Variants in SHROOM2 observed in about 807,000 individuals in gnomAD.
The protein encoded by SHROOM2 is shroom family member 2.
A neutral mutation model predicts 75.9 loss-of-function variants in SHROOM2; 33 were observed. The ratio of observed to expected loss-of-function variants is 0.43; its 90% CI spans 0.33 to 0.58. The LOEUF is 0.58. Among genes scored for constraint, SHROOM2 ranks in the 20% least tolerant of loss-of-function variants. SHROOM2 has a pLI of 0.04. For synonymous variants in SHROOM2, 655 were observed against 663.6 expected (o/e 0.99, Z 0.20); for missense variants, 1,434 against 1,461.2 (o/e 0.98, Z 0.30).
intron 1 of SHROOM2, among the ~76,000 whole-genome samples, chrX:9,821,683 A>G (rs2083853766): frequency 8.9e-6 from 1 of 112,376 alleles, no homozygotes; most frequent in Non-Finnish European, 1.9e-5. Context: ...GTTGAGAAAT[A>G]TACCGTATGA....
chrX:9,898,455 G>A (rs772657035), intron 5 of SHROOM2, among the ~76,000 whole-genome samples, 165 bp downstream of exon 5: 128 of 112,695 alleles, frequency 1.1e-3, no homozygotes, highest in African/African-American at 3.7e-3. Context: ...TGGAGGTCTG[G>A]GCAGAGCCTG....
intron 4 of SHROOM2, among the ~76,000 whole-genome samples, chrX:9,897,736 G>A (rs1232873410): frequency 2.0e-5 from 2 of 101,063 alleles, no homozygotes; most frequent in Admixed American, 2.1e-4. Flanking sequence ...TACCTAATAA[G>A]TGCATGGAAA....
At chrX:9,786,972 C>A (rs1249287395) in intron 1 of SHROOM2, among the ~76,000 whole-genome samples, 2 of 111,431 alleles carry the variant, frequency 1.8e-5, no homozygotes, top group African/African-American at 6.5e-5. Flanking sequence ...AGGGGCCTGG[C>A]CGGGTCCTCT....
intron 2 of SHROOM2, among the ~76,000 whole-genome samples, chrX:9,881,590 T>C (rs2084231919): frequency 8.9e-6 from 1 of 112,465 alleles, no homozygotes; most frequent in Non-Finnish European, 1.9e-5. Context: ...TGTAAAAAGT[T>C]TGGAATAAAA....
At chrX:9,917,021 G>A (rs371498693) in intron 5 of SHROOM2, among the ~76,000 whole-genome samples, 17 of 111,747 alleles carry the variant, frequency 1.5e-4, no homozygotes, top group Admixed American at 7.6e-4. Flanking sequence ...CATGTGTGCC[G>A]CAGAAGGTGT....
chrX:9,946,289 G>A (rs1020201737), intron 9 of SHROOM2, among the ~76,000 whole-genome samples: 20 of 113,175 alleles, frequency 1.8e-4, no homozygotes, highest in African/African-American at 3.8e-4. Flanking sequence ...CCCATGGAGC[G>A]GACCTTGACG....
Position 9,882,233 on chromosome X carries a change from C to T in SHROOM2, c.317+8430C>T, listed in dbSNP as rs575130391. ...TGCCATGTGTATACTGATATGTTGA[C>T]TCAACAAGTTAAACTTTTTGTGTCT... is the stretch of plus-strand genomic sequence containing the variant. On this transcript the variant is annotated intron_variant, in intron 2 of 9. Coordinates refer to ENST00000380913, the MANE Select transcript of SHROOM2 (RefSeq NM_001649.4). Among the ~76,000 whole-genome samples the T allele has an allele frequency of 4.0e-3, 288 of 72,560 alleles. 1 individual carries two copies. The highest frequency in any genetic ancestry group is 0.036 in the South Asian group (42 of 1,183). 63.0% of individuals were successfully genotyped at this position (72,560 alleles called of 115,157 possible).
At chrX:9,909,692 A>G (rs1203226783) in intron 5 of SHROOM2, among the ~76,000 whole-genome samples, 2 of 112,628 alleles carry the variant, frequency 1.8e-5, no homozygotes, top group Admixed American at 1.9e-4. Flanking sequence ...CCCAATTGAG[A>G]GACATGCTGC....
chrX:9,883,718 A>T (rs375544008), intron 2 of SHROOM2, among the ~76,000 whole-genome samples: 183 of 111,455 alleles, frequency 1.6e-3, no homozygotes, highest in African/African-American at 5.6e-3. Flanking sequence ...CAGGAGGTGC[A>T]GGCAGACTGG....
At position 9,947,085 on chromosome X, in the gene SHROOM2, G is replaced by T; in HGVS notation, c.*148G>T. 1 of 584,692 alleles carries T rather than the reference G, an allele frequency of 1.7e-6. No individual in the cohort carries two copies. The highest frequency in any genetic ancestry group is 2.6e-6 in the Non-Finnish European group (1 of 379,365). 48.2% of individuals were successfully genotyped at this position (584,692 alleles called of 1,213,427 possible). ...GGCTGTTATAAAAGCAATAACTTTT[G>T]TGTTTGTGTGGGATGATTTATTTAA... is the stretch of plus-strand genomic sequence containing the variant. On this transcript the variant is annotated 3_prime_UTR_variant, in exon 10 of 10. Coordinates refer to ENST00000380913, the MANE Select transcript of SHROOM2 (RefSeq NM_001649.4).
intron 8 of SHROOM2, among the ~76,000 whole-genome samples, chrX:9,941,587 T>G (rs1353913303): frequency 8.9e-6 from 1 of 112,039 alleles, no homozygotes; most frequent in Non-Finnish European, 1.9e-5. Flanking sequence ...AGTTTCAAAT[T>G]AGCTCAGCTG....
chrX:9,936,791 G>C (rs1179079892), intron 6 of SHROOM2, among the ~76,000 whole-genome samples: 3 of 112,610 alleles, frequency 2.7e-5, no homozygotes, highest in East Asian at 5.6e-4. Flanking sequence ...AACAGGGCTT[G>C]TTGAAGTTTG....
chrX:9,914,254 C>T (rs1210953861), intron 5 of SHROOM2, among the ~76,000 whole-genome samples: 1 of 109,072 alleles, frequency 9.2e-6, no homozygotes, highest in Non-Finnish European at 1.9e-5. Flanking sequence ...CTCTATTGCC[C>T]AGCCAGAGGG....
At position 9,947,546 on chromosome X, in the gene SHROOM2, C is replaced by T. The variant is rs936364998; in HGVS notation, c.*609C>T. Reference sequence around the variant, plus strand: ...GTTAAAAACCAACTGTGAAAGGAACCACCTGTGTGGTTGGGTTCACTCATT... The same window carrying T: ...GTTAAAAACCAACTGTGAAAGGAACTACCTGTGTGGTTGGGTTCACTCATT... On this transcript the variant is annotated 3_prime_UTR_variant, in exon 10 of 10. Coordinates refer to ENST00000380913, the MANE Select transcript of SHROOM2 (RefSeq NM_001649.4). 2 of 112,508 alleles carry T rather than the reference C, an allele frequency of 1.8e-5. No individual in the cohort carries two copies. The highest frequency in any genetic ancestry group is 3.7e-5 in the Non-Finnish European group (2 of 53,564). The allele number at this position is 112,508 out of a possible 1,213,427, so 9.3% of individuals were successfully genotyped here.
At chrX:9,804,063 A>G (rs2083738673) in intron 1 of SHROOM2, among the ~76,000 whole-genome samples, 1 of 111,531 alleles carries the variant, frequency 9.0e-6, no homozygotes, top group Non-Finnish European at 1.9e-5. Context: ...GGTTAACTAG[A>G]TCGTGCCCGG....
chrX:9,830,298 G>A (rs951013554), intron 1 of SHROOM2, among the ~76,000 whole-genome samples: 4 of 111,759 alleles, frequency 3.6e-5, no homozygotes, highest in Admixed American at 2.9e-4. Flanking sequence ...CTGGTTCTAT[G>A]AGTTTAACTG....
chrX:9,812,514 C>G (rs1031448101), intron 1 of SHROOM2, among the ~76,000 whole-genome samples: 1 of 112,037 alleles, frequency 8.9e-6, no homozygotes, highest in Non-Finnish European at 1.9e-5. Flanking sequence ...TGGAATATCT[C>G]GACAGGCCCC....
chrX:9,856,595 A>G (rs1663233908), intron 1 of SHROOM2, among the ~76,000 whole-genome samples: 1 of 111,492 alleles, frequency 9.0e-6, no homozygotes, highest in African/African-American at 3.3e-5. Context: ...TTCTGGGAAG[A>G]GTTGTTCCAT....
At chrX:9,819,509 CT>C in intron 1 of SHROOM2, 1 of 243,700 alleles carries the variant, frequency 4.1e-6, no homozygotes. Context: ...ATGAAGAGAT[CT>C]TTGATTGCAG....
Sources: allele counts gnomAD v4.1 joint callset (sites outside exome capture counted in the v4.1 genomes callset), GRCh38; gene constraint gnomAD v4.1.1; transcripts MANE v1.5; gene names NCBI Gene and HGNC (gene_info 2026-07-23, HGNC 2026-07-21).